KALRN: variants seen among roughly 807,000 people sequenced by gnomAD.
KALRN encodes kalirin.
Under a neutral mutation model 353.7 loss-of-function variants are expected in KALRN, and 70 were observed. That is an observed-to-expected ratio of 0.20 (90% CI 0.16 to 0.24). KALRN has a LOEUF of 0.24. Ranked by LOEUF, KALRN falls within the 10% of genes least tolerant of loss-of-function variation. KALRN has a pLI of 1.00. For synonymous variants in KALRN, 1,391 were observed against 1,434.8 expected (o/e 0.97, Z 0.69); for missense variants, 2,791 against 3,756.7 (o/e 0.74, Z 6.72).
intron 48 of KALRN, among the ~76,000 whole-genome samples, chr3:124,672,153 G>T (rs1450961723): frequency 6.6e-6 from 1 of 152,154 alleles, no homozygotes; most frequent in African/African-American, 2.4e-5. Context: ...TCACCATGTT[G>T]GCCAGGCTGG....
intron 6 of KALRN, among the ~76,000 whole-genome samples, chr3:124,302,027 A>T (rs1041218178): frequency 1.4e-4 from 21 of 152,230 alleles, no homozygotes; most frequent in Admixed American, 2.6e-4. Flanking sequence ...TCCTCTCTTC[A>T]GAGAAATGTA....
chr3:124,661,867 T>C lies in KALRN; in HGVS notation c.6284T>C (p.Met2095Thr), dbSNP rs1181851356. 4.3e-6 allele frequency: 7 copies of C among 1,613,992 alleles called. No homozygotes were observed. The highest frequency in any genetic ancestry group is 5.9e-6 in the Non-Finnish European group (7 of 1,179,952). Residue 2095 changes from methionine to threonine, a missense_variant, in exon 45 of 60, where the codon ATG (methionine) becomes ACG (threonine). Transcript: ENST00000682506. ...TTCCCACAGAAAGCAGTGGAGTTAA[T>C]GTGCCTTGTTCCCAAACGCTGCAAT... ...CSDIEKAVEL[M>T]CLVPKRCNDM...
chr3:124,544,219 A>G (rs895094854), intron 33 of KALRN, among the ~76,000 whole-genome samples: 2 of 152,206 alleles, frequency 1.3e-5, no homozygotes, highest in African/African-American at 4.8e-5. Context: ...ATACATGCAC[A>G]CTGGCACTTT....
At position 124,334,611 on chromosome 3, in the gene KALRN, A is replaced by C; in HGVS notation, c.1647+116A>C. ...CCCAGATTTATAGAAGGACATAATG[A>C]AATTCAGCTCTCAACTGCTCCACAG... On this transcript the variant is annotated intron_variant, in intron 9 of 59. Transcript: ENST00000682506. This position sits in a 1 kb window ranked among gnomAD's most constrained non-coding sequence, Gnocchi z 4.2. 3 of 687,360 alleles carry C rather than the reference A, an allele frequency of 4.4e-6. No individual in the cohort carries two copies. The highest frequency in any genetic ancestry group is 7.5e-6 in the Non-Finnish European group (3 of 400,634). The allele number at this position is 687,360 out of a possible 1,614,324, so 42.6% of individuals were successfully genotyped here. A position where few individuals can be genotyped will look rare whatever the true frequency, so the allele number is the denominator to read the frequency against.
intron 34 of KALRN, among the ~76,000 whole-genome samples, chr3:124,566,316 C>T (rs1267389292): frequency 6.6e-6 from 1 of 152,070 alleles, no homozygotes; most frequent in Admixed American, 6.6e-5. Context: ...GCCTGGGCAA[C>T]ATGGCGAAAC....
chr3:124,438,028 C>T (rs2093540168), intron 17 of KALRN, among the ~76,000 whole-genome samples: 1 of 152,112 alleles, frequency 6.6e-6, no homozygotes, highest in African/African-American at 2.4e-5. Flanking sequence ...TAAGTATTTT[C>T]AATCCATAGT....
rs2080657431 is a variant in KALRN at position 124,332,292 on chromosome 3, T to A, written c.1417-1973T>A. On this transcript the variant is annotated intron_variant, in intron 8 of 59. Transcript: ENST00000682506. Reference sequence around the variant, plus strand: ...ATTCCTGGACCCCCATCCAAGCTATTATCAGGGACCAAAGGAGGGGTGAGG... The same window carrying A: ...ATTCCTGGACCCCCATCCAAGCTATAATCAGGGACCAAAGGAGGGGTGAGG... Among the ~76,000 whole-genome samples, 7 of 152,138 alleles carry A rather than the reference T, an allele frequency of 4.6e-5. No individual in the cohort carries two copies. The South Asian group carries it at 1.5e-3, about 32-fold the overall frequency.
At chr3:124,474,403 TTTA>T (rs1414879351) in intron 25 of KALRN, among the ~76,000 whole-genome samples, 2 of 152,110 alleles carry the variant, frequency 1.3e-5, no homozygotes, top group African/African-American at 4.8e-5. Context: ...AACAAAATAT[TTTA>T]TTATTTACTT....
intron 34 of KALRN, among the ~76,000 whole-genome samples, chr3:124,619,716 A>G (rs1443664308): frequency 1.3e-5 from 2 of 151,858 alleles, no homozygotes; most frequent in Non-Finnish European, 2.9e-5. Flanking sequence ...TGAACTCCTA[A>G]GCTCAAATGA....
At chr3:124,286,181 TCTTC>T (rs1174338704) in intron 5 of KALRN, among the ~76,000 whole-genome samples, 12 of 147,832 alleles carry the variant, frequency 8.1e-5, no homozygotes, top group Middle Eastern at 6.8e-3. Context: ...TCTTTCTCTT[TCTTC>T]CTTCCTTCCT....
intron 1 of KALRN, among the ~76,000 whole-genome samples, chr3:124,170,989 A>AT (rs1243166665): frequency 6.6e-6 from 1 of 150,524 alleles, no homozygotes; most frequent in East Asian, 2.0e-4. Context: ...AATTTCTTGT[A>AT]TTTTTTTAGT....
intron 1 of KALRN, among the ~76,000 whole-genome samples, chr3:124,103,410 G>A (rs960064527): frequency 3.9e-5 from 6 of 152,164 alleles, no homozygotes; most frequent in African/African-American, 1.4e-4. Flanking sequence ...AAGGGGCAGT[G>A]GGACAGCTGT....
rs757990788 is a variant in KALRN at position 124,434,487 on chromosome 3, G to A, written c.3010G>A (p.Val1004Ile). The A allele has an allele frequency of 1.2e-6, 2 of 1,614,222 alleles. No individual in the cohort carries two copies. Among genetic ancestry groups the A allele is most frequent in the Admixed American group, 3.3e-5 (2 of 60,030 alleles). ...MLKMEDRLKL[V>I]NASVAFYKTS... ...GAAGATGGAAGACCGGCTAAAATTG[G>A]TCAATGCCTCTGTGGCCTTTTACAA... The change falls in exon 17 of 60, where the codon GTC becomes ATC. Residue 1004 changes from valine (V) to isoleucine (I), a missense_variant. By Grantham distance (29) the Val-to-Ile change is conservative. Around this residue, in one of 11 missense-constraint regions of KALRN, gnomAD observed 452 missense variants for 575.8 expected, o/e 0.78. Transcript: ENST00000682506.
At chr3:124,682,904 C>T (rs2061404164) in intron 51 of KALRN, among the ~76,000 whole-genome samples, 1 of 152,184 alleles carries the variant, frequency 6.6e-6, no homozygotes, top group African/African-American at 2.4e-5. Context: ...GTACATGCCA[C>T]ACCAATGCCA....
Position 124,465,811 on chromosome 3 carries a change from T to C in KALRN, c.4031+3178T>C, listed in dbSNP as rs77668494. 1.8e-4 allele frequency among the ~76,000 whole-genome samples: 28 copies of C among 152,188 alleles called. 1 individual carries two copies. In the East Asian group the frequency reaches 5.4e-3, roughly 29 times the overall value. Reference sequence around the variant, plus strand: ...CTGCCTGTAATCCAGAGAGAGCCTATGGGAGGGAGAGCAGGAGGAAGGAAT... The same window carrying C: ...CTGCCTGTAATCCAGAGAGAGCCTACGGGAGGGAGAGCAGGAGGAAGGAAT... On this transcript the variant is annotated intron_variant, in intron 25 of 59. Coordinates refer to ENST00000682506, the MANE Select transcript of KALRN (RefSeq NM_001388419.1).
rs1389122025 is a variant in KALRN at position 124,395,127 on chromosome 3, C to G, written c.1963-8C>G. ...TCCCTGAGTGGAATCTCTGCTCTCT[C>G]TCTACAGTTGTGGACATGGATGGAA... On this transcript the variant is annotated splice_region_variant and splice_polypyrimidine_tract_variant and intron_variant, in intron 11 of 59. Coordinates refer to ENST00000682506, the MANE Select transcript of KALRN (RefSeq NM_001388419.1). The G allele has an allele frequency of 2.5e-6, 4 of 1,608,762 alleles. No homozygotes were observed. The highest frequency in any genetic ancestry group is 2.2e-5 in the East Asian group (1 of 44,714).
chr3:124,053,931 T>G (rs1356229313), intron 1 of KALRN, among the ~76,000 whole-genome samples: 2 of 152,220 alleles, frequency 1.3e-5, no homozygotes, highest in South Asian at 2.1e-4. Flanking sequence ...TTTTTTCCCT[T>G]CCCAGGAACA....
intron 14 of KALRN, among the ~76,000 whole-genome samples, chr3:124,417,834 A>T (rs1221470422): frequency 6.6e-6 from 1 of 152,244 alleles, no homozygotes; most frequent in African/African-American, 2.4e-5. Flanking sequence ...ACATGGGAGG[A>T]TGGAAAGGGT....
chr3:124,400,657 A>C lies in KALRN; in HGVS notation c.2346+1786A>C, dbSNP rs926934114. 3.3e-5 allele frequency among the ~76,000 whole-genome samples: 5 copies of C among 152,318 alleles called. No homozygotes were observed. In the South Asian group the frequency reaches 1.0e-3, roughly 32 times the overall value. On this transcript the variant is annotated intron_variant, in intron 13 of 59. Coordinates refer to ENST00000682506, the MANE Select transcript of KALRN (RefSeq NM_001388419.1). Reference sequence around the variant, plus strand: ...GTAAAGGCAGGGTAACAAGGTAATAAAGAGATAAAAGAGAGGGTATGGGTC... The same window carrying C: ...GTAAAGGCAGGGTAACAAGGTAATACAGAGATAAAAGAGAGGGTATGGGTC...
Sources: allele counts gnomAD v4.1 joint callset (sites outside exome capture counted in the v4.1 genomes callset), GRCh38; gene constraint gnomAD v4.1.1; regional missense constraint gnomAD v4.1.1; non-coding constraint Gnocchi (gnomAD v3.1); transcripts MANE v1.5; gene names NCBI Gene and HGNC (gene_info 2026-07-23, HGNC 2026-07-21).